KCNN3: variants seen among roughly 807,000 people sequenced by gnomAD.
KCNN3 encodes potassium calcium-activated channel subfamily N member 3.
Under a neutral mutation model 62.9 loss-of-function variants are expected in KCNN3, and 16 were observed. The observed-to-expected ratio is 0.25, with a 90% CI of 0.17 to 0.39. The LOEUF (loss-of-function observed/expected upper bound fraction) is 0.39. KCNN3 is among the 10% of genes least tolerant of loss of function. The pLI is 1.00. For synonymous variants in KCNN3, 370 were observed against 389.2 expected, an observed-to-expected ratio of 0.95 and a Z score of 0.58; for missense variants, 599 against 949.4, an observed-to-expected ratio of 0.63 and a Z score of 4.85.
chr1:154,826,080 C>A (rs6672799), intron 1 of KCNN3, among the ~76,000 whole-genome samples: 301 of 14,436 alleles, frequency 0.021, 16 homozygotes, highest in East Asian at 0.21. Context: ...AAAACAAAAA[C>A]AAAAACAAAA....
chr1:154,792,795 C>T (rs894632508), intron 2 of KCNN3, among the ~76,000 whole-genome samples: 6 of 152,152 alleles, frequency 3.9e-5, no homozygotes, highest in South Asian at 2.1e-4. Flanking sequence ...ATATGGGCTC[C>T]GAAGTTCTTT....
chr1:154,824,288 A>G (rs565046024), intron 1 of KCNN3, among the ~76,000 whole-genome samples: 1 of 152,354 alleles, frequency 6.6e-6, no homozygotes, highest in East Asian at 1.9e-4. Context: ...CCACAGTTCC[A>G]TAAGAGCAGC....
At chr1:154,781,822 C>A (rs1649065568) in intron 2 of KCNN3, among the ~76,000 whole-genome samples, 1 of 152,118 alleles carries the variant, frequency 6.6e-6, no homozygotes, top group Non-Finnish European at 1.5e-5. Context: ...TAGACAAGGC[C>A]CCTGTCCCCA....
At chr1:154,753,691 C>G (rs1647496024) in intron 3 of KCNN3, among the ~76,000 whole-genome samples, 1 of 152,238 alleles carries the variant, frequency 6.6e-6, no homozygotes, top group Non-Finnish European at 1.5e-5. Context: ...CCCGTCCTGC[C>G]TGCTCACTTC....
chr1:154,774,392 A>G (rs140273770), intron 2 of KCNN3, among the ~76,000 whole-genome samples: 8 of 152,332 alleles, frequency 5.3e-5, no homozygotes, highest in South Asian at 2.1e-4. Context: ...GAGTCCCACC[A>G]TATTTGATGA....
intron 2 of KCNN3, among the ~76,000 whole-genome samples, chr1:154,799,805 C>T (rs1649884313): frequency 6.6e-6 from 1 of 152,210 alleles, no homozygotes. Context: ...GATCTGGCAG[C>T]AGAGCATGGG....
intron 2 of KCNN3, among the ~76,000 whole-genome samples, chr1:154,806,087 C>G (rs1650162049): frequency 6.6e-6 from 1 of 152,142 alleles, no homozygotes; most frequent in Non-Finnish European, 1.5e-5. Context: ...CTTCCAGACT[C>G]TATTCATGAG....
chr1:154,770,316 A>G (rs1245676329), intron 3 of KCNN3, among the ~76,000 whole-genome samples: 2 of 152,206 alleles, frequency 1.3e-5, no homozygotes, highest in Non-Finnish European at 2.9e-5. Context: ...ATGCCCTCTC[A>G]GTTTGACCGT....
At chr1:154,859,900 C>T in intron 1 of KCNN3, 1 of 1,407,780 alleles carries the variant, frequency 7.1e-7, no homozygotes, top group Non-Finnish European at 9.5e-7. Context: ...AACAAGCTGA[C>T]TCAAAAATAA....
chr1:154,738,287 T>C (rs971285328), intron 3 of KCNN3, among the ~76,000 whole-genome samples: 1 of 152,116 alleles, frequency 6.6e-6, no homozygotes, highest in Non-Finnish European at 1.5e-5. Flanking sequence ...CTTCGGACTT[T>C]TTGACAGCAA....
chr1:154,755,529 AG>A (rs1165962914), intron 3 of KCNN3, among the ~76,000 whole-genome samples: 926 of 58,330 alleles, frequency 0.016, 13 homozygotes, highest in African/African-American at 0.036. Flanking sequence ...GAAAGAAAGA[AG>A]AAGAAAGGAA....
At chr1:154,739,000 T>C (rs1700771955) in intron 3 of KCNN3, among the ~76,000 whole-genome samples, 1 of 152,204 alleles carries the variant, frequency 6.6e-6, no homozygotes, top group African/African-American at 2.4e-5. Context: ...GAAAGGGAGC[T>C]AAATTTTCAT....
At chr1:154,836,486 ACTT>A (rs2101907146) in intron 1 of KCNN3, among the ~76,000 whole-genome samples, 1 of 152,272 alleles carries the variant, frequency 6.6e-6, no homozygotes, top group Non-Finnish European at 1.5e-5. Flanking sequence ...CTCCGACCCC[ACTT>A]GCCAGGGCAG....
intron 2 of KCNN3, among the ~76,000 whole-genome samples, chr1:154,815,167 G>A (rs906432663): frequency 6.6e-6 from 1 of 152,170 alleles, no homozygotes; most frequent in African/African-American, 2.4e-5. Flanking sequence ...AGATCTCGGA[G>A]GTTCAATGAA....
At chr1:154,839,716 C>T (rs905475913) in intron 1 of KCNN3, among the ~76,000 whole-genome samples, 1 of 152,052 alleles carries the variant, frequency 6.6e-6, no homozygotes, top group African/African-American at 2.4e-5. Flanking sequence ...GCATCTGAGC[C>T]TTTCTAAAGC....
At chr1:154,783,086 G>C (rs1447719873) in intron 2 of KCNN3, among the ~76,000 whole-genome samples, 1 of 151,816 alleles carries the variant, frequency 6.6e-6, no homozygotes, top group African/African-American at 2.4e-5. Flanking sequence ...GGTGGTGGGC[G>C]CCTGTAGTCC....
chr1:154,866,130 C>T (rs1281434156), intron 1 of KCNN3, among the ~76,000 whole-genome samples: 1 of 152,180 alleles, frequency 6.6e-6, no homozygotes, highest in East Asian at 1.9e-4. Flanking sequence ...TTCACCTCCC[C>T]CCAAGAATAA....
chr1:154,710,445 CG>C (rs1700051818), intron 7 of KCNN3, among the ~76,000 whole-genome samples: 1 of 151,978 alleles, frequency 6.6e-6, no homozygotes, highest in South Asian at 2.1e-4. Flanking sequence ...GATCTCCCCA[CG>C]GGGGTTCTGC....
intron 2 of KCNN3, among the ~76,000 whole-genome samples, chr1:154,807,995 G>A (rs1650251946): frequency 6.6e-6 from 1 of 151,052 alleles, no homozygotes; most frequent in African/African-American, 2.4e-5. Context: ...TGATTGAGGG[G>A]GGTTCAACCT....
Sources: allele counts gnomAD v4.1 joint callset (sites outside exome capture counted in the v4.1 genomes callset), GRCh38; gene constraint gnomAD v4.1.1; transcripts MANE v1.5; gene names NCBI Gene and HGNC (gene_info 2026-07-23, HGNC 2026-07-21).